Variants in AGPAT5 observed in about 807,000 individuals in gnomAD.
AGPAT5 encodes the protein 1-acylglycerol-3-phosphate O-acyltransferase 5.
In AGPAT5, 46 loss-of-function variants were observed where a neutral mutation model predicts 45.6. That is an observed-to-expected ratio of 1.01 (90% CI 0.80 to 1.29). The LOEUF is 1.29. AGPAT5 is among the 50% of genes most tolerant of loss of function. The pLI is 0.00. For synonymous variants in AGPAT5, 272 were observed against 167.0 expected, an observed-to-expected ratio of 1.63 and a Z score of -4.85; for missense variants, 673 against 450.7, an observed-to-expected ratio of 1.49 and a Z score of -4.47.
chr8:6,732,558 C>T lies in AGPAT5; in HGVS notation c.406-3C>T, dbSNP rs1160391681. The T allele has an allele frequency of 1.3e-6, 2 of 1,591,632 alleles. No individual in the cohort carries two copies. Among genetic ancestry groups the T allele is most frequent in the South Asian group, 1.2e-5 (1 of 86,084 alleles). ...GCTCTTTCTCCCGATTTGATTGTGG[C>T]AGCATGGAGGAATCTATGTAAAGCG... On this transcript the variant is annotated splice_region_variant and splice_polypyrimidine_tract_variant and intron_variant, in intron 3 of 7. Coordinates refer to ENST00000285518, the MANE Select transcript of AGPAT5 (RefSeq NM_018361.5).
At chr8:6,716,928 A>G (rs1195126403) in intron 1 of AGPAT5, among the ~76,000 whole-genome samples, 2 of 152,208 alleles carry the variant, frequency 1.3e-5, no homozygotes. Flanking sequence ...TATGAATCTC[A>G]CTTTTAAGGG....
In AGPAT5 at chr8:6,729,663, C is replaced by T. The variant is rs149595546; in HGVS notation, c.290-1048C>T. Among the ~76,000 whole-genome samples, 600 of 152,318 alleles carry T rather than the reference C, an allele frequency of 3.9e-3. 4 individuals carry two copies. The highest frequency in any genetic ancestry group is 0.013 in the African/African-American group (561 of 41,586). On this transcript the variant is annotated intron_variant, in intron 2 of 7. Transcript: ENST00000285518. ...AACCATGTCCTCTGTTTCCCATCTT[C>T]TGCACCCACTTTGCCACTTCCTGTT...
chr8:6,742,387 A>C (rs1371270185), intron 5 of AGPAT5, among the ~76,000 whole-genome samples: 1 of 152,244 alleles, frequency 6.6e-6, no homozygotes, highest in East Asian at 1.9e-4. Flanking sequence ...TAAGCTATGC[A>C]ATTTAACCAA....
At chr8:6,735,537 A>T (rs1480640317) in intron 4 of AGPAT5, among the ~76,000 whole-genome samples, 1 of 152,214 alleles carries the variant, frequency 6.6e-6, no homozygotes, top group African/African-American at 2.4e-5. Context: ...GGTATCTGTT[A>T]CATTGGCCCC....
chr8:6,714,127 G>A (rs976723626), intron 1 of AGPAT5, among the ~76,000 whole-genome samples: 3 of 152,106 alleles, frequency 2.0e-5, no homozygotes, highest in African/African-American at 7.2e-5. Flanking sequence ...GTTGCCCAGC[G>A]TCGTCTCTGA....
chr8:6,752,954 A>T (rs147435915), intron 6 of AGPAT5, among the ~76,000 whole-genome samples: 7 of 152,220 alleles, frequency 4.6e-5, no homozygotes, highest in African/African-American at 1.4e-4. Flanking sequence ...AACCTTAGGG[A>T]CTTGGCTGTT....
intron 4 of AGPAT5, among the ~76,000 whole-genome samples, chr8:6,740,941 TG>T (rs540941663): frequency 7.0e-4 from 106 of 152,312 alleles, no homozygotes; most frequent in African/African-American, 2.4e-3. Context: ...GTGTAGTTTT[TG>T]TAACTCAGTT....
chr8:6,716,979 C>G (rs1800354805), intron 1 of AGPAT5, among the ~76,000 whole-genome samples: 1 of 152,136 alleles, frequency 6.6e-6, no homozygotes, highest in African/African-American at 2.4e-5. Context: ...ATAAGTTTTG[C>G]TCTAACAGGG....
chr8:6,715,325 G>T (rs942074824), intron 1 of AGPAT5, among the ~76,000 whole-genome samples: 2 of 152,202 alleles, frequency 1.3e-5, no homozygotes, highest in Non-Finnish European at 1.5e-5. Flanking sequence ...AGTCATCCAG[G>T]TGAGAAATGA....
intron 1 of AGPAT5, among the ~76,000 whole-genome samples, chr8:6,714,030 C>G (rs1411102342): frequency 6.6e-6 from 1 of 152,180 alleles, no homozygotes; most frequent in Non-Finnish European, 1.5e-5. Flanking sequence ...AACATGTTTA[C>G]TTAGAATTGG....
intron 1 of AGPAT5, among the ~76,000 whole-genome samples, chr8:6,715,944 C>G (rs1480407135): frequency 6.6e-6 from 1 of 152,078 alleles, no homozygotes; most frequent in Non-Finnish European, 1.5e-5. Flanking sequence ...GCATGGCATT[C>G]AAGGTTTTCT....
Position 6,755,175 on chromosome 8 carries a change from G to A in AGPAT5, c.869+1G>A. The A allele has an allele frequency of 6.3e-7, 1 of 1,596,894 alleles. No homozygotes were observed. The highest frequency in any genetic ancestry group is 2.3e-5 in the East Asian group (1 of 44,340). On this transcript the variant is annotated splice_donor_variant, in intron 7 of 7. Transcript: ENST00000285518. LOFTEE classifies it high-confidence loss of function. ...ATGAACGTTTCGAAATCAAAGATAA[G>A]TGAGTAACAACAGTTCCAGCACTTC...
Position 6,757,346 on chromosome 8 carries a change from T to C in AGPAT5, c.1053T>C (p.Tyr351=). The C allele has an allele frequency of 6.2e-7, 1 of 1,614,200 alleles. No individual in the cohort carries two copies. The highest frequency in any genetic ancestry group is 8.5e-7 in the Non-Finnish European group (1 of 1,180,026). Residue 351 remains tyrosine, a synonymous_variant, in exon 8 of 8, where the codon TAT becomes TAC. Coordinates refer to ENST00000285518, the MANE Select transcript of AGPAT5 (RefSeq NM_018361.5). Reference sequence around the variant, plus strand: ...AGCTGTATGTGAACACCTGGATATATGGAACCCTACTTGGCTGCCTGTGGG... The same window carrying C: ...AGCTGTATGTGAACACCTGGATATACGGAACCCTACTTGGCTGCCTGTGGG... ...GRKLYVNTWI[Y]GTLLGCLWVT... is the part of the protein sequence containing the mutation.
At chr8:6,720,350 T>C (rs563279010) in intron 1 of AGPAT5, among the ~76,000 whole-genome samples, 4 of 152,326 alleles carry the variant, frequency 2.6e-5, no homozygotes, top group Admixed American at 2.6e-4. Flanking sequence ...TGATGTTACA[T>C]GGGTTATTTT....
At chr8:6,728,484 A>G (rs1800760423) in intron 2 of AGPAT5, among the ~76,000 whole-genome samples, 1 of 152,272 alleles carries the variant, frequency 6.6e-6, no homozygotes, top group Non-Finnish European at 1.5e-5. Context: ...GTTTAAGGGC[A>G]TAGCCCAGGG....
At chr8:6,710,277 G>T (rs1160367094) in intron 1 of AGPAT5, among the ~76,000 whole-genome samples, 1 of 152,078 alleles carries the variant, frequency 6.6e-6, no homozygotes, top group African/African-American at 2.4e-5. Context: ...TTCTGAAATT[G>T]CATACCTTAC....
At chr8:6,726,979 A>G (rs1800709507) in intron 2 of AGPAT5, among the ~76,000 whole-genome samples, 1 of 152,224 alleles carries the variant, frequency 6.6e-6, no homozygotes, top group South Asian at 2.1e-4. Flanking sequence ...AAAAATTTGC[A>G]TGTAGTTTTA....
At chr8:6,730,654 C>G (rs1481013122) in intron 2 of AGPAT5, 57 bp from the exon 3 acceptor site, 2 of 1,098,580 alleles carry the variant, frequency 1.8e-6, no homozygotes, top group African/African-American at 1.6e-5. Flanking sequence ...GAAGCCCATT[C>G]ATAGTACAAC....
In AGPAT5 at chr8:6,752,342, G is replaced by C. The variant is rs567630372; in HGVS notation, c.746-2709G>C. Among the ~76,000 whole-genome samples the C allele has an allele frequency of 2.0e-3, 298 of 152,322 alleles. 2 individuals are homozygous for C. The highest frequency in any genetic ancestry group is 6.9e-3 in the African/African-American group (288 of 41,556). ...TTTTATAATGTCTATATGTTGGAGAGAGTATGTGCCTTTACGTATTTTTTA... is the reference window on the plus strand; with the variant it reads ...TTTTATAATGTCTATATGTTGGAGACAGTATGTGCCTTTACGTATTTTTTA... On this transcript the variant is annotated intron_variant, in intron 6 of 7. Transcript: ENST00000285518.
Sources: allele counts gnomAD v4.1 joint callset (sites outside exome capture counted in the v4.1 genomes callset), GRCh38; gene constraint gnomAD v4.1.1; transcripts MANE v1.5; gene names NCBI Gene and HGNC (gene_info 2026-07-23, HGNC 2026-07-21).